ATRX: variants seen among roughly 807,000 people sequenced by gnomAD.
ATRX encodes the protein ATRX chromatin remodeler.
A neutral mutation model predicts 172.6 loss-of-function variants in ATRX; 12 were observed. The ratio of observed to expected loss-of-function variants is 0.07; its 90% confidence interval spans 0.04 to 0.11. ATRX has a LOEUF of 0.11. ATRX is among the 10% of genes least tolerant of loss of function. ATRX has a pLI of 1.00. For synonymous variants in ATRX, 674 were observed against 594.7 expected (o/e 1.13, Z -1.94); for missense variants, 1,368 against 1,767.4 (o/e 0.77, Z 4.05).
intron 1 of ATRX, among the ~76,000 whole-genome samples, chrX:77,778,864 T>A (rs946056124): frequency 2.7e-5 from 3 of 111,275 alleles, no homozygotes; most frequent in Non-Finnish European, 5.6e-5. Context: ...CATCTGGAAT[T>A]CTCCCACAGT....
intron 2 of ATRX, among the ~76,000 whole-genome samples, chrX:77,703,296 T>C (rs1414567173): frequency 8.9e-6 from 1 of 112,833 alleles, no homozygotes; most frequent in Non-Finnish European, 1.9e-5. Context: ...CTGGCCTGTG[T>C]CCTATGATAG....
intron 15 of ATRX, among the ~76,000 whole-genome samples, chrX:77,644,935 G>A (rs1557112935): frequency 9.0e-6 from 1 of 111,029 alleles, no homozygotes; most frequent in African/African-American, 3.3e-5. Context: ...ACTCAAATAC[G>A]TATAGATCAA....
rs782389922 is a variant in ATRX at position 77,664,745 on chromosome X, T to C, written c.3843A>G (p.Lys1281=). The change falls in exon 11 of 35, where the codon AAA becomes AAG. Residue 1281 remains lysine (K), a synonymous_variant. Transcript: ENST00000373344. ...IAKKMLLEEI[K]ANLSSDEDGS... ...CATCCTCATCAGAGGAAAGATTGGC[T>C]TTAATTTCTTCTAAAAGCATCTTCT... The C allele has an allele frequency of 8.3e-7, 1 of 1,207,702 alleles. No individual in the cohort carries two copies. The highest frequency in any genetic ancestry group is 1.7e-5 in the African/African-American group (1 of 57,691).
chrX:77,737,221 G>C (rs1401905119), intron 1 of ATRX, among the ~76,000 whole-genome samples: 1 of 110,241 alleles, frequency 9.1e-6, no homozygotes, highest in African/African-American at 3.3e-5. Context: ...TCAGGAGTTC[G>C]ATAGCAGCCT....
intron 1 of ATRX, among the ~76,000 whole-genome samples, chrX:77,758,071 A>G (rs1393792179): frequency 1.8e-5 from 2 of 111,664 alleles, no homozygotes; most frequent in Middle Eastern, 4.2e-3. Context: ...TAGTAAATCC[A>G]CTACAGAAAA....
At chrX:77,514,640 GA>G (rs782411725) in intron 34 of ATRX, among the ~76,000 whole-genome samples, 1 of 111,876 alleles carries the variant, frequency 8.9e-6, no homozygotes, top group South Asian at 3.7e-4. Context: ...ATGTAAACCC[GA>G]AAACTATAAA....
intron 1 of ATRX, among the ~76,000 whole-genome samples, chrX:77,749,323 A>T (rs1298639655): frequency 3.6e-5 from 4 of 110,943 alleles, no homozygotes; most frequent in African/African-American, 1.3e-4. Context: ...CACAGTGTGT[A>T]TGTATACACA....
At chrX:77,613,109 C>A (rs782326878) in intron 22 of ATRX, among the ~76,000 whole-genome samples, 8 of 110,943 alleles carry the variant, frequency 7.2e-5, no homozygotes, top group Non-Finnish European at 1.5e-4. Context: ...CTGGGTATAC[C>A]TATAAGTGGA....
At chrX:77,539,508 G>A (rs190433930) in intron 30 of ATRX, among the ~76,000 whole-genome samples, 217 of 109,263 alleles carry the variant, frequency 2.0e-3, no homozygotes, top group Middle Eastern at 4.7e-3. Context: ...TTCAAACACC[G>A]CCAGGAAATA....
intron 1 of ATRX, among the ~76,000 whole-genome samples, chrX:77,745,679 T>G (rs1557184529): frequency 9.0e-6 from 1 of 111,141 alleles, no homozygotes. Flanking sequence ...ATAGAATGAA[T>G]AAGACCTAGC....
chrX:77,676,856 G>A (rs1004767005), intron 9 of ATRX, among the ~76,000 whole-genome samples: 16 of 112,035 alleles, frequency 1.4e-4, no homozygotes, highest in East Asian at 2.8e-4. Flanking sequence ...GTGAGGTGGC[G>A]CACGCCTGTA....
At chrX:77,556,035 G>A (rs940593056) in intron 30 of ATRX, among the ~76,000 whole-genome samples, 39 of 105,883 alleles carry the variant, frequency 3.7e-4, no homozygotes, top group Admixed American at 2.8e-3. Flanking sequence ...AAATTGCTGG[G>A]CGTGGTGGCA....
intron 1 of ATRX, among the ~76,000 whole-genome samples, chrX:77,766,330 A>ACCTCCCCC (rs1352237433): frequency 2.9e-5 from 3 of 104,607 alleles, no homozygotes; most frequent in Non-Finnish European, 5.9e-5. Context: ...TGACCCCCCC[A>ACCTCCCCC]CCTCCCTCCT....
intron 22 of ATRX, among the ~76,000 whole-genome samples, chrX:77,613,272 T>A (rs1364227262): frequency 7.2e-5 from 8 of 110,909 alleles, no homozygotes; most frequent in African/African-American, 2.3e-4. Flanking sequence ...TTTTTTTTTT[T>A]ATAATGGCCA....
chrX:77,570,140 G>A (rs915267500), intron 28 of ATRX, among the ~76,000 whole-genome samples: 3 of 110,531 alleles, frequency 2.7e-5, no homozygotes, highest in African/African-American at 9.8e-5. Context: ...TTTCACAAAG[G>A]TGCAAAACCA....
chrX:77,673,317 C>T (rs2070717355), intron 10 of ATRX, among the ~76,000 whole-genome samples: 1 of 110,961 alleles, frequency 9.0e-6, no homozygotes, highest in South Asian at 3.8e-4. Flanking sequence ...AAACCCTACC[C>T]TAATGGCACT....
chrX:77,623,275 T>C (rs1192256128), intron 19 of ATRX, among the ~76,000 whole-genome samples: 2 of 111,447 alleles, frequency 1.8e-5, no homozygotes, highest in Non-Finnish European at 3.8e-5. Flanking sequence ...AAGGCTATTA[T>C]GAATACCTTT....
chrX:77,753,861 G>T (rs895024404), intron 1 of ATRX, among the ~76,000 whole-genome samples: 42 of 111,247 alleles, frequency 3.8e-4, no homozygotes, highest in African/African-American at 1.3e-3. Flanking sequence ...GGTCTGCTTG[G>T]TCCAGAGCTG....
chrX:77,676,039 T>G, intron 10 of ATRX, 187 bp downstream of exon 10: 1 of 379,111 alleles, frequency 2.6e-6, no homozygotes, highest in Non-Finnish European at 4.7e-6. Context: ...TTACTTTCTC[T>G]TAAGGTTTCT....
Sources: gnomAD v4.1 joint callset for allele counts (sites outside exome capture counted in the v4.1 genomes callset) on GRCh38, gnomAD v4.1.1 for gene constraint, MANE v1.5 for transcripts, NCBI Gene and HGNC (gene_info 2026-07-23, HGNC 2026-07-21) for gene names.